YAP1: variants seen among roughly 807,000 people sequenced by gnomAD.
YAP1 encodes the protein transcriptional coactivator YAP1.
A neutral mutation model predicts 56.9 loss-of-function variants in YAP1; 5 were observed. The ratio of observed to expected loss-of-function variants is 0.09; its 90% CI spans 0.05 to 0.18. YAP1 has a LOEUF of 0.18. Among genes scored for constraint, YAP1 ranks in the 10% least tolerant of loss-of-function variants. The probability of loss-of-function intolerance (pLI) is 1.00; values close to 1 mark genes in which losing one functional copy is unlikely to be tolerated. For missense variants in YAP1, 539 were observed against 651.8 expected, an observed-to-expected ratio of 0.83 and a Z score of 1.88; for synonymous variants, 265 against 248.1, an observed-to-expected ratio of 1.07 and a Z score of -0.64.
At chr11:102,186,762 A>G (rs1480030919) in intron 4 of YAP1, 6 of 151,378 alleles carry the variant, frequency 4.0e-5, no homozygotes, top group African/African-American at 1.5e-4. Flanking sequence ...TCCCCTTCCA[A>G]ATGTGTACAT....
chr11:102,118,683 G>A (rs1943456642), intron 2 of YAP1, among the ~76,000 whole-genome samples: 1 of 151,232 alleles, frequency 6.6e-6, no homozygotes, highest in South Asian at 2.1e-4. Flanking sequence ...CCTGGCAGGT[G>A]GAGGCTGCAG....
At chr11:102,200,395 A>G (rs930264237) in intron 4 of YAP1, among the ~76,000 whole-genome samples, 52 of 151,808 alleles carry the variant, frequency 3.4e-4, no homozygotes, top group African/African-American at 1.2e-3. Flanking sequence ...AAGTGAGGAA[A>G]TGTAATTCAG....
intron 4 of YAP1, among the ~76,000 whole-genome samples, chr11:102,192,618 A>G (rs1170913876): frequency 6.6e-6 from 1 of 152,230 alleles, no homozygotes; most frequent in Non-Finnish European, 1.5e-5. Flanking sequence ...CTCTTGACTC[A>G]TCTGTAAAAT....
intron 3 of YAP1, among the ~76,000 whole-genome samples, chr11:102,169,839 T>C (rs1946805040): frequency 6.6e-6 from 1 of 152,144 alleles, no homozygotes; most frequent in South Asian, 2.1e-4. Flanking sequence ...TCCTGAAAAA[T>C]GATAATATGG....
intron 2 of YAP1, among the ~76,000 whole-genome samples, chr11:102,156,502 T>G (rs1945953578): frequency 6.6e-6 from 1 of 152,218 alleles, no homozygotes; most frequent in African/African-American, 2.4e-5. Flanking sequence ...TATTTCTTTA[T>G]TTTTAGTTCT....
intron 3 of YAP1, among the ~76,000 whole-genome samples, chr11:102,163,024 T>A (rs778192183): frequency 7.5e-4 from 114 of 151,920 alleles, no homozygotes; most frequent in Non-Finnish European, 1.2e-3. Flanking sequence ...AACCCAACTT[T>A]TAATGTGGTG....
At chr11:102,169,552 A>C (rs1187683003) in intron 3 of YAP1, among the ~76,000 whole-genome samples, 1 of 152,220 alleles carries the variant, frequency 6.6e-6, no homozygotes, top group Non-Finnish European at 1.5e-5. Context: ...CCAAAGTCAG[A>C]GCAATGAAGA....
intron 3 of YAP1, among the ~76,000 whole-genome samples, chr11:102,170,100 T>G (rs1812755823): frequency 6.6e-6 from 1 of 152,216 alleles, no homozygotes; most frequent in South Asian, 2.1e-4. Context: ...CGCTCTTGAC[T>G]TAGCTGCATA....
intron 2 of YAP1, among the ~76,000 whole-genome samples, chr11:102,150,808 T>TTTTTTTTTC (rs1289128661): frequency 6.8e-6 from 1 of 146,560 alleles, no homozygotes; most frequent in East Asian, 2.0e-4. Flanking sequence ...AATGGTTTTT[T>TTTTTTTTTC]TTTTTTTTTT....
chr11:102,192,781 A>G (rs1002534513), intron 4 of YAP1, among the ~76,000 whole-genome samples: 1 of 152,164 alleles, frequency 6.6e-6, no homozygotes. Context: ...CTTTTGAACT[A>G]TTTATTGCAC....
intron 2 of YAP1, among the ~76,000 whole-genome samples, chr11:102,149,977 C>CG (rs540848964): frequency 2.0e-5 from 1 of 50,290 alleles, no homozygotes; most frequent in African/African-American, 7.5e-5. Flanking sequence ...GAGTAGTGTG[C>CG]TTTTTTTTTT....
chr11:102,160,799 G>C (rs534840715), intron 2 of YAP1, among the ~76,000 whole-genome samples: 16 of 152,274 alleles, frequency 1.1e-4, no homozygotes, highest in Non-Finnish European at 2.1e-4. Context: ...AGCAATGCTT[G>C]TATCCTATTC....
At chr11:102,168,230 ATATT>A (rs942790850) in intron 3 of YAP1, among the ~76,000 whole-genome samples, 2 of 152,166 alleles carry the variant, frequency 1.3e-5, no homozygotes, top group Admixed American at 1.3e-4. Flanking sequence ...TGTATGATAT[ATATT>A]AAATTTTTAA....
intron 2 of YAP1, among the ~76,000 whole-genome samples, chr11:102,145,045 T>C (rs1293302249): frequency 6.6e-6 from 1 of 152,166 alleles, no homozygotes; most frequent in East Asian, 1.9e-4. Flanking sequence ...GTTTGAAGTT[T>C]TACTGGATAC....
At chr11:102,126,331 T>C (rs556804030) in intron 2 of YAP1, among the ~76,000 whole-genome samples, 178 of 152,342 alleles carry the variant, frequency 1.2e-3, no homozygotes, top group African/African-American at 4.2e-3. Context: ...GTGTTCCCAC[T>C]GAAATCTCAA....
At chr11:102,221,883 G>A (rs986267890) in intron 6 of YAP1, among the ~76,000 whole-genome samples, 13 of 152,176 alleles carry the variant, frequency 8.5e-5, no homozygotes, top group African/African-American at 2.7e-4. Context: ...GTTAGGTACA[G>A]TGAATACTAA....
intron 1 of YAP1, among the ~76,000 whole-genome samples, chr11:102,112,984 T>C (rs7937545): frequency 0.013 from 1,920 of 152,162 alleles, 42 homozygotes; most frequent in African/African-American, 0.044. Context: ...TAAACTATTA[T>C]AGTTTTGTTT....
chr11:102,186,385 C>G, intron 4 of YAP1: 1 of 358,016 alleles, frequency 2.8e-6, no homozygotes, highest in Non-Finnish European at 5.1e-6. Flanking sequence ...ACCAGAATCA[C>G]TTGTTCCTTT....
rs886696672 is a variant in YAP1, at chr11:102,223,472, A to C, written c.1033-150A>C. On this transcript the variant is annotated intron_variant, in intron 6 of 8. Transcript: ENST00000282441. ...TTAGTCATTTGAAATGGATAGAATT[A>C]GGTCATTCTGATTGGGAAATGTATT... The C allele has an allele frequency of 7.1e-6, 6 of 839,180 alleles. No homozygotes were observed. In the Admixed American group the frequency reaches 1.5e-4, roughly 22 times the overall value. The allele number at this position is 839,180 out of a possible 1,614,324, so 52.0% of individuals were successfully genotyped here.
Sources: gnomAD v4.1 joint callset for allele counts (sites outside exome capture counted in the v4.1 genomes callset) on GRCh38, gnomAD v4.1.1 for gene constraint, MANE v1.5 for transcripts, NCBI Gene and HGNC (gene_info 2026-07-23, HGNC 2026-07-21) for gene names.